Variants in USP45 observed in about 807,000 individuals in gnomAD.
The protein encoded by USP45 is ubiquitin specific peptidase 45.
In USP45, 89 loss-of-function variants were observed where a neutral mutation model predicts 95.8. That is an observed-to-expected ratio of 0.93 (90% confidence interval 0.78 to 1.11). USP45 has a LOEUF of 1.11. Among genes scored for constraint, USP45 ranks in the 50% least tolerant of loss-of-function variants. USP45 has a pLI of 0.00. For missense variants in USP45, 898 were observed against 942.5 expected (o/e 0.95, Z 0.62); for synonymous variants, 281 against 316.2 (o/e 0.89, Z 1.18).
At chr6:99,511,187 T>C (rs199878681) in intron 1 of USP45, among the ~76,000 whole-genome samples, 1 of 37,796 alleles carries the variant, frequency 2.6e-5, no homozygotes, top group South Asian at 1.7e-3. Context: ...ATTATTACTA[T>C]TATTATTATT....
Position 99,482,878 on chromosome 6 carries a change from T to A in USP45, c.720A>T (p.Pro240=). The change falls in exon 8 of 18, where the codon CCA becomes CCT. Residue 240 remains proline (P), a synonymous_variant. Coordinates refer to ENST00000500704, the MANE Select transcript of USP45 (RefSeq NM_001346022.3). ...IFPSSDSQLD[P]LVVELSRPGP... ...CAGGCCTTGAAAGTTCCACCACCAATGGGTCCTTTAAAAACATGATCAACT... is the reference window on the plus strand; with the variant it reads ...CAGGCCTTGAAAGTTCCACCACCAAAGGGTCCTTTAAAAACATGATCAACT... 1.3e-6 allele frequency: 2 copies of A among 1,525,712 alleles called. No individual in the cohort carries two copies. The highest frequency in any genetic ancestry group is 1.8e-6 in the Non-Finnish European group (2 of 1,140,386). The allele number at this position is 1,525,712 out of a possible 1,614,324, so 94.5% of individuals were successfully genotyped here.
chr6:99,452,823 T>C (rs1176176240), intron 13 of USP45, among the ~76,000 whole-genome samples: 1 of 152,134 alleles, frequency 6.6e-6, no homozygotes, highest in Admixed American at 6.5e-5. Context: ...GTGGCACATA[T>C]ACACCATGGA....
At position 99,446,431 on chromosome 6, in the gene USP45, T is replaced by C. The variant is rs768991698; in HGVS notation, c.1341A>G (p.Arg447=). Residue 447 remains arginine, a synonymous_variant, in exon 14 of 18, where the codon AGA becomes AGG. Transcript: ENST00000500704. ...TGACAGTTTCTCCAGATGACAATTTTCTAATACATTTTCGGTCATGAATTA... is the reference window on the plus strand; with the variant it reads ...TGACAGTTTCTCCAGATGACAATTTCCTAATACATTTTCGGTCATGAATTA... ...SQLIHDRKCI[R]KLSSGETVTY... 6.8e-6 allele frequency: 11 copies of C among 1,613,618 alleles called. No individual in the cohort carries two copies. The Admixed American group carries it at 1.8e-4, about 27-fold the overall frequency.
chr6:99,499,438 C>T (rs900770857), intron 5 of USP45, among the ~76,000 whole-genome samples: 2 of 152,072 alleles, frequency 1.3e-5, no homozygotes, highest in Non-Finnish European at 2.9e-5. Flanking sequence ...TAAAAATATA[C>T]GGAAGCCGCA....
At chr6:99,437,157 G>A in intron 17 of USP45, 89 bp downstream of exon 17, 1 of 1,284,136 alleles carries the variant, frequency 7.8e-7, no homozygotes, top group Non-Finnish European at 1.1e-6. Flanking sequence ...TCCACTAGAG[G>A]CATCTATGAA....
At chr6:99,438,628 T>C (rs774180359) in intron 16 of USP45, among the ~76,000 whole-genome samples, 5 of 152,178 alleles carry the variant, frequency 3.3e-5, no homozygotes, top group Non-Finnish European at 7.4e-5. Context: ...TATGAGACAA[T>C]TGAAAATATG....
intron 10 of USP45, 107 bp downstream of exon 10, chr6:99,468,430 C>A: frequency 1.4e-6 from 1 of 733,560 alleles, no homozygotes. Context: ...CCTTTTAAAG[C>A]CACTACTTTG....
chr6:99,485,994 A>C (rs755814437), intron 7 of USP45, among the ~76,000 whole-genome samples: 36 of 152,228 alleles, frequency 2.4e-4, no homozygotes, highest in Non-Finnish European at 4.3e-4. Flanking sequence ...GCTTACAAAG[A>C]ACACCTCTGA....
At chr6:99,484,642 AT>A (rs1448989317) in intron 7 of USP45, among the ~76,000 whole-genome samples, 6 of 152,044 alleles carry the variant, frequency 3.9e-5, no homozygotes, top group Admixed American at 1.3e-4. Context: ...TGCAAAAAAA[AT>A]TTAAAAATTA....
chr6:99,465,518 G>T (rs572499432), intron 11 of USP45, among the ~76,000 whole-genome samples: 77 of 152,254 alleles, frequency 5.1e-4, no homozygotes, highest in South Asian at 4.6e-3. Context: ...CAGAGAGCTT[G>T]GCTGTGTTTT....
chr6:99,456,654 C>G (rs576838653), intron 13 of USP45, among the ~76,000 whole-genome samples: 2 of 152,298 alleles, frequency 1.3e-5, no homozygotes, highest in South Asian at 2.1e-4. Context: ...CCTGTCTTTA[C>G]TTTAATCTCT....
At chr6:99,448,836 A>C (rs1340747562) in intron 13 of USP45, among the ~76,000 whole-genome samples, 1 of 152,230 alleles carries the variant, frequency 6.6e-6, no homozygotes, top group Non-Finnish European at 1.5e-5. Flanking sequence ...TCTTGGCAGA[A>C]ACTCTACAAG....
intron 9 of USP45, among the ~76,000 whole-genome samples, chr6:99,469,733 T>C (rs1275318469): frequency 6.6e-6 from 1 of 151,860 alleles, no homozygotes; most frequent in Non-Finnish European, 1.5e-5. Flanking sequence ...GCCACCTGCC[T>C]CAGCCTCCCA....
At chr6:99,499,807 C>T (rs561814654) in intron 5 of USP45, among the ~76,000 whole-genome samples, 21 of 152,350 alleles carry the variant, frequency 1.4e-4, no homozygotes, top group Non-Finnish European at 2.1e-4. Context: ...AAAGCCGGCT[C>T]ATCCATGATT....
At position 99,508,602 on chromosome 6, in the gene USP45, T is replaced by A. The variant is rs1269806029; in HGVS notation, c.273+8A>T. On this transcript the variant is annotated splice_region_variant and intron_variant, in intron 3 of 17. Transcript: ENST00000500704. ...GACAAACTCACATATAAATAATACT[T>A]TTCTTACCTGGAAGCCACACTTGAG... The A allele has an allele frequency of 6.2e-7, 1 of 1,608,882 alleles. No individual in the cohort carries two copies. The highest frequency in any genetic ancestry group is 8.5e-7 in the Non-Finnish European group (1 of 1,178,432).
chr6:99,501,913 C>T lies in USP45; in HGVS notation c.478+1852G>A, dbSNP rs1427671946. 2.3e-6 allele frequency: 3 copies of T among 1,287,442 alleles called. No individual in the cohort carries two copies. In the Admixed American group the frequency reaches 7.5e-5, roughly 32 times the overall value. 79.8% of individuals were successfully genotyped at this position (1,287,442 alleles called of 1,614,324 possible). ...GAGTGTCTGTTATTCATGATGGGTC[C>T]CTCAGGCCACATTTGACAGTTTATA... On this transcript the variant is annotated intron_variant, in intron 5 of 17. Coordinates refer to ENST00000500704, the MANE Select transcript of USP45 (RefSeq NM_001346022.3).
At chr6:99,516,678 A>G (rs1400251432), upstream of USP45, among the ~76,000 whole-genome samples, 1 of 152,200 alleles carries the variant, frequency 6.6e-6, no homozygotes, top group Non-Finnish European at 1.5e-5. Context: ...ATATTCCTCA[A>G]ATAAGAAGAG....
At chr6:99,465,421 T>C (rs1001946846) in intron 11 of USP45, among the ~76,000 whole-genome samples, 1 of 152,102 alleles carries the variant, frequency 6.6e-6, no homozygotes, top group Non-Finnish European at 1.5e-5. Context: ...TAAAACAGAT[T>C]AACTAAAGAG....
chr6:99,433,002 A>T lies in USP45; in HGVS notation c.*2714T>A, dbSNP rs9402790. The T allele has an allele frequency of 0.088, 13,382 of 152,234 alleles. 1,162 individuals carry two copies. The highest frequency in any genetic ancestry group is 0.43 in the East Asian group (2,226 of 5,170). The allele number at this position is 152,234 out of a possible 1,614,324, so 9.4% of individuals were successfully genotyped here. A position where few individuals can be genotyped will look rare whatever the true frequency, so the allele number is the denominator to read the frequency against. On this transcript the variant is annotated 3_prime_UTR_variant, in exon 18 of 18. Transcript: ENST00000500704. ...AATTGATACCAACTGTCTTCTTTTT[A>T]TTTATTTTTGAGACAGGGTCTCACT...
Sources: allele counts gnomAD v4.1 joint callset (sites outside exome capture counted in the v4.1 genomes callset), GRCh38; gene constraint gnomAD v4.1.1; transcripts MANE v1.5; gene names NCBI Gene and HGNC (gene_info 2026-07-23, HGNC 2026-07-21).